KRT75: variants seen among roughly 807,000 people sequenced by gnomAD.
KRT75 encodes the protein keratin, type II cytoskeletal 75.
Under a neutral mutation model 48.8 loss-of-function variants are expected in KRT75, and 35 were observed. That is an observed-to-expected ratio of 0.72 (90% CI 0.55 to 0.95). KRT75 has a LOEUF of 0.95. KRT75 is among the 40% of genes least tolerant of loss of function. KRT75 has a pLI of 0.00. For synonymous variants in KRT75, 301 were observed against 282.3 expected (o/e 1.07, Z -0.66); for missense variants, 776 against 709.9 (o/e 1.09, Z -1.06).
In KRT75 at chr12:52,424,119, A is replaced by G; in HGVS notation, c.*398T>C. 3.1e-6 allele frequency: 1 copy of G among 318,692 alleles called. No homozygotes were observed. Among genetic ancestry groups the G allele is most frequent in the South Asian group, 3.2e-5 (1 of 31,146 alleles). The allele number at this position is 318,692 out of a possible 1,614,324, so 19.7% of individuals were successfully genotyped here. On this transcript the variant is annotated 3_prime_UTR_variant, in exon 9 of 9. Transcript: ENST00000252245. ...CACATTCCAGGGAGGGAACAGAGGG[A>G]GCACTCACTCCCAGCAGGCCACTTA...
At chr12:52,429,585 T>C (rs1940117797) in intron 5 of KRT75, among the ~76,000 whole-genome samples, 1 of 152,142 alleles carries the variant, frequency 6.6e-6, no homozygotes, top group Non-Finnish European at 1.5e-5. Context: ...GTATACATGA[T>C]TAAATGGAGC....
chr12:52,430,878 T>A (rs1940136461), intron 4 of KRT75, among the ~76,000 whole-genome samples, 173 bp from the exon 5 acceptor site: 1 of 152,204 alleles, frequency 6.6e-6, no homozygotes, highest in Middle Eastern at 3.2e-3. Flanking sequence ...TGAAAATCTT[T>A]CCCAGCCTTA....
rs1323443560 is a variant in KRT75, at chr12:52,424,248, C to T, written c.*269G>A. On this transcript the variant is annotated 3_prime_UTR_variant, in exon 9 of 9. Transcript: ENST00000252245. ...GTGGAGCTGGAGGAGGACTTTCCAG[C>T]TGCCCGGGCCTCGCAAGATAGGCTG... 5 of 517,298 alleles carry T rather than the reference C, an allele frequency of 9.7e-6. No homozygotes were observed. The highest frequency in any genetic ancestry group is 1.1e-5 in the Non-Finnish European group (3 of 282,824). The allele number at this position is 517,298 out of a possible 1,614,324, so 32.0% of individuals were successfully genotyped here.
chr12:52,434,090 G>A lies in KRT75; in HGVS notation c.215C>T (p.Ser72Phe), dbSNP rs1265293260. The A allele has an allele frequency of 1.2e-6, 2 of 1,614,170 alleles. No homozygotes were observed. The highest frequency in any genetic ancestry group is 1.7e-6 in the Non-Finnish European group (2 of 1,180,024). Residue 72 changes from serine to phenylalanine, a missense_variant, in exon 1 of 9, where the codon TCC becomes TTC. Physicochemically the swap from Ser to Phe is radical, Grantham distance 155. Coordinates refer to ENST00000252245, the MANE Select transcript of KRT75 (RefSeq NM_004693.3). ...GCAGCTGCTGCCACACCCATTGATG[G>A]AGACCCGCTTGGCACCCCCCAGGTT... ...LYNLGGAKRV[S>F]INGCGSSCRS...
At chr12:52,428,186 C>T (rs1940096431) in intron 7 of KRT75, 70 bp downstream of exon 7, 4 of 1,589,940 alleles carry the variant, frequency 2.5e-6, no homozygotes, top group Non-Finnish European at 3.4e-6. Context: ...AGCCCGAGCC[C>T]CTAGGAATGC....
rs1382317721 is a variant in KRT75, at chr12:52,433,011, G to A, written c.713+27C>T. On this transcript the variant is annotated intron_variant, in intron 2 of 8. Coordinates refer to ENST00000252245, the MANE Select transcript of KRT75 (RefSeq NM_004693.3). The stretch of plus-strand genomic sequence containing the variant: ...CAAAGGAGCCTTCAGATGGCTGTGT[G>A]TGGCCAGAAGCCAGTCTCCCACTTA... 3.1e-6 allele frequency: 5 copies of A among 1,609,456 alleles called. No homozygotes were observed. In the South Asian group the frequency reaches 5.5e-5, roughly 18 times the overall value.
In KRT75 at chr12:52,434,104, AC is replaced by A. The variant is rs753856803; in HGVS notation, c.200del (p.Gly67ValfsTer65). The A allele has an allele frequency of 1.9e-6, 3 of 1,613,780 alleles. No individual in the cohort carries two copies. The highest frequency in any genetic ancestry group is 2.2e-5 in the South Asian group (2 of 91,050). ...FGSRSLYNLG[G>X]AKRVSINGCG... ...ACCCATTGATGGAGACCCGCTTGGC[AC>A]CCCCCAGGTTGTAGAGGCTGCGGCT... is the stretch of plus-strand genomic sequence containing the variant. On this transcript the variant is annotated frameshift_variant, in exon 1 of 9. Coordinates refer to ENST00000252245, the MANE Select transcript of KRT75 (RefSeq NM_004693.3). LOFTEE classifies it high-confidence loss of function.
Position 52,424,254 on chromosome 12 carries a change from G to A in KRT75, c.*263C>T, listed in dbSNP as rs151329717. ...CTGGAGGAGGACTTTCCAGCTGCCC[G>A]GGCCTCGCAAGATAGGCTGAATGAG... On this transcript the variant is annotated 3_prime_UTR_variant, in exon 9 of 9. Coordinates refer to ENST00000252245, the MANE Select transcript of KRT75 (RefSeq NM_004693.3). The A allele has an allele frequency of 6.3e-4, 334 of 531,364 alleles. 1 individual carries two copies. Among genetic ancestry groups the A allele is most frequent in the African/African-American group, 5.8e-3 (306 of 52,696 alleles). The allele number at this position is 531,364 out of a possible 1,614,324, so 32.9% of individuals were successfully genotyped here. A position where few individuals can be genotyped will look rare whatever the true frequency, so the allele number is the denominator to read the frequency against.
intron 5 of KRT75, among the ~76,000 whole-genome samples, chr12:52,430,338 C>T (rs74096721): frequency 0.016 from 2,481 of 152,182 alleles, 73 homozygotes; most frequent in African/African-American, 0.057. Flanking sequence ...CCTGAGCTCC[C>T]AGCATTGGGC....
chr12:52,429,599 A>C (rs1940117918), intron 5 of KRT75, among the ~76,000 whole-genome samples: 1 of 152,182 alleles, frequency 6.6e-6, no homozygotes, highest in African/African-American at 2.4e-5. Context: ...ATGGAGCAAC[A>C]ACCCAACAAC....
intron 2 of KRT75, among the ~76,000 whole-genome samples, chr12:52,432,559 T>A (rs1471992639): frequency 6.6e-6 from 1 of 152,186 alleles, no homozygotes; most frequent in Non-Finnish European, 1.5e-5. Context: ...CAAATCCCTT[T>A]CCACTGGATA....
intron 2 of KRT75, 80 bp downstream of exon 2, chr12:52,432,958 G>A (rs903758100): frequency 1.4e-6 from 2 of 1,405,722 alleles, no homozygotes; most frequent in Non-Finnish European, 2.0e-6. Flanking sequence ...ATCGGCATTT[G>A]CTCCTTTGCA....
chr12:52,434,306 G>A lies in KRT75; in HGVS notation c.-2C>T. The A allele has an allele frequency of 3.2e-6, 5 of 1,586,242 alleles. No individual in the cohort carries two copies. The highest frequency in any genetic ancestry group is 1.1e-5 in the South Asian group (1 of 88,312). ...GGTGATGGAGGACTGCCGAGACATG[G>A]TGGGTGAGGAAGGCCGGCGAGAAGG... On this transcript the variant is annotated 5_prime_UTR_variant, in exon 1 of 9. Coordinates refer to ENST00000252245, the MANE Select transcript of KRT75 (RefSeq NM_004693.3).
intron 4 of KRT75, 36 bp from the exon 5 acceptor site, chr12:52,430,741 A>C (rs560176101): frequency 3.7e-6 from 6 of 1,613,236 alleles, no homozygotes; most frequent in Non-Finnish European, 4.2e-6. Flanking sequence ...CCAAGGCATA[A>C]GATGAAGAAT....
At chr12:52,428,219 A>C (rs1288373574) in intron 7 of KRT75, 37 bp downstream of exon 7, 5 of 1,611,784 alleles carry the variant, frequency 3.1e-6, no homozygotes, top group Non-Finnish European at 3.4e-6. Flanking sequence ...GGTGAGCTCA[A>C]CTTGCTTTGA....
At position 52,428,305 on chromosome 12, in the gene KRT75, C is replaced by G. The variant is rs2121512535; in HGVS notation, c.1333G>C (p.Asp445His). ...QELMNIKLAL[D>H]VEIATYRKLL... ...TTGCGGTAGGTGGCGATCTCCACGTCCAGGGCCAGCTTGATGTTCATCAGC... is the reference window on the plus strand; with the variant it reads ...TTGCGGTAGGTGGCGATCTCCACGTGCAGGGCCAGCTTGATGTTCATCAGC... The change falls in exon 7 of 9, where the codon GAC becomes CAC. Residue 445 changes from aspartate to histidine, a missense_variant. Physicochemically the swap from Asp to His is moderately conservative, Grantham distance 81 (BLOSUM62 -1). Coordinates refer to ENST00000252245, the MANE Select transcript of KRT75 (RefSeq NM_004693.3). The G allele has an allele frequency of 1.2e-6, 2 of 1,614,116 alleles. No individual in the cohort carries two copies. Among genetic ancestry groups the G allele is most frequent in the Non-Finnish European group, 1.7e-6 (2 of 1,180,032 alleles).
chr12:52,433,708 C>T, intron 1 of KRT75, 99 bp downstream of exon 1: 8 of 1,571,828 alleles, frequency 5.1e-6, no homozygotes, highest in Non-Finnish European at 7.0e-6. Flanking sequence ...CTCATTCCCA[C>T]AGTGGGGTCA....
intron 4 of KRT75, 97 bp downstream of exon 4, chr12:52,431,445 CT>C: frequency 1.0e-6 from 1 of 953,514 alleles, no homozygotes. Context: ...AAGCAAGATG[CT>C]GGGCAGAGGC....
chr12:52,434,123 C>G lies in KRT75; in HGVS notation c.182G>C (p.Ser61Thr). Residue 61 changes from serine (S) to threonine (T), a missense_variant, in exon 1 of 9, where the codon AGC becomes ACC. Physicochemically the swap from Ser to Thr is moderately conservative, Grantham distance 58. Coordinates refer to ENST00000252245, the MANE Select transcript of KRT75 (RefSeq NM_004693.3). ...SSAGASFGSR[S>T]LYNLGGAKRV... ...CTTGGCACCCCCCAGGTTGTAGAGG[C>G]TGCGGCTTCCAAAGCTGGCCCCAGC... is the stretch of plus-strand genomic sequence containing the variant. 1.2e-6 allele frequency: 2 copies of G among 1,614,164 alleles called. No individual in the cohort carries two copies. The highest frequency in any genetic ancestry group is 8.5e-7 in the Non-Finnish European group (1 of 1,180,010).
Sources: allele counts gnomAD v4.1 joint callset (sites outside exome capture counted in the v4.1 genomes callset), GRCh38; gene constraint gnomAD v4.1.1; transcripts MANE v1.5; gene names NCBI Gene and HGNC (gene_info 2026-07-23, HGNC 2026-07-21).